The following PECR variants were observed in gnomAD, a reference collection of about 807,000 sequenced individuals.
PECR encodes the protein peroxisomal trans-2-enoyl-CoA reductase.
In PECR, 30 loss-of-function variants were observed where a neutral mutation model predicts 35.3. The ratio of observed to expected loss-of-function variants is 0.85; its 90% CI spans 0.64 to 1.15. The LOEUF (loss-of-function observed/expected upper bound fraction) is 1.15, where lower values mean the gene tolerates loss of function less well. Among genes scored for constraint, PECR ranks in the 50% most tolerant of loss-of-function variants. PECR has a pLI of 0.00. For synonymous variants in PECR, 148 were observed against 138.9 expected (o/e 1.07, Z -0.46); for missense variants, 392 against 370.8 (o/e 1.06, Z -0.47).
chr2:216,049,269 A>G lies in PECR; in HGVS notation c.708T>C (p.Pro236=), dbSNP rs777775485. The G allele has an allele frequency of 2.0e-6, 3 of 1,498,850 alleles. No individual in the cohort carries two copies. Among genetic ancestry groups the G allele is most frequent in the East Asian group, 4.5e-5 (2 of 44,368 alleles). 92.8% of individuals were successfully genotyped at this position (1,498,850 alleles called of 1,614,324 possible). The part of the protein sequence containing the change: ...QKIPAKRIGV[P]EEVSSVVCFL... Reference sequence around the variant, plus strand: ...TGCTGGAAATATACCTTACCTCCTCAGGAACACCAATTCGTTTAGCGGGGA... The same window carrying G: ...TGCTGGAAATATACCTTACCTCCTCGGGAACACCAATTCGTTTAGCGGGGA... The change falls in exon 6 of 8, where the codon CCT becomes CCC. Residue 236 remains proline (P), a synonymous_variant. Coordinates refer to ENST00000265322, the MANE Select transcript of PECR (RefSeq NM_018441.6).
At chr2:216,058,861 A>T in intron 4 of PECR, 34 bp downstream of exon 4, 1 of 1,240,452 alleles carries the variant, frequency 8.1e-7, no homozygotes, top group Non-Finnish European at 1.2e-6. Flanking sequence ...CAAAACTCAA[A>T]GACTTAGAAA....
chr2:216,055,628 T>G (rs1695210890), intron 4 of PECR, among the ~76,000 whole-genome samples: 2 of 152,026 alleles, frequency 1.3e-5, no homozygotes, highest in African/African-American at 4.8e-5. Context: ...GTTTTCCTTC[T>G]CAACCATTAA....
chr2:216,066,458 A>T lies in PECR; in HGVS notation c.185T>A (p.Leu62Gln), dbSNP rs756567309. ...CTTTGTGGGAGGTAGGTTGGCCTGC[A>T]GTTCATCTGCCGCAGACTTCAATCT... ...LERLKSAADE[L>Q]QANLPPTKQA... The change falls in exon 2 of 8, where the codon CTG (leucine) becomes CAG (glutamine). Residue 62 changes from leucine to glutamine, a missense_variant. Coordinates refer to ENST00000265322, the MANE Select transcript of PECR (RefSeq NM_018441.6). 6.2e-7 allele frequency: 1 copy of T among 1,613,654 alleles called. No individual in the cohort carries two copies. The highest frequency in any genetic ancestry group is 1.1e-5 in the South Asian group (1 of 91,082).
intron 2 of PECR, 87 bp downstream of exon 2, chr2:216,066,298 T>C (rs541587513): frequency 4.2e-5 from 46 of 1,100,638 alleles, no homozygotes; most frequent in Non-Finnish European, 5.9e-5. Context: ...ACAGCTACAA[T>C]AGGAGAACCT....
chr2:216,056,452 G>A (rs1252814454), intron 4 of PECR, among the ~76,000 whole-genome samples: 1 of 152,082 alleles, frequency 6.6e-6, no homozygotes, highest in Non-Finnish European at 1.5e-5. Context: ...CGGGTGTGGT[G>A]GCTCATGCCT....
At chr2:216,051,766 T>C (rs940247458) in intron 4 of PECR, among the ~76,000 whole-genome samples, 2 of 152,162 alleles carry the variant, frequency 1.3e-5, no homozygotes, top group African/African-American at 2.4e-5. Context: ...TCACATGGCA[T>C]AGACCCAGAT....
At chr2:216,054,182 G>A (rs1695178548) in intron 4 of PECR, among the ~76,000 whole-genome samples, 1 of 151,594 alleles carries the variant, frequency 6.6e-6, no homozygotes, top group South Asian at 2.1e-4. Flanking sequence ...AGCTACTCAG[G>A]AGGCTGAGAC....
At chr2:216,042,515 A>T (rs1438152030) in intron 7 of PECR, among the ~76,000 whole-genome samples, 2 of 152,206 alleles carry the variant, frequency 1.3e-5, no homozygotes, top group Admixed American at 1.3e-4. Context: ...CTTTAACAAC[A>T]GAAATTCAAT....
chr2:216,064,278 C>T (rs1216256934), intron 3 of PECR: 1 of 152,202 alleles, frequency 6.6e-6, no homozygotes. Context: ...CACCTAAGGA[C>T]TCTATTTCCC....
At chr2:216,076,152 T>A (rs1055959550) in intron 1 of PECR, among the ~76,000 whole-genome samples, 2 of 152,218 alleles carry the variant, frequency 1.3e-5, no homozygotes, top group African/African-American at 4.8e-5. Flanking sequence ...CATTGTTATA[T>A]AAACCCAAAT....
At chr2:216,038,027 GTGAGCC>G (rs75525335), downstream of PECR, among the ~76,000 whole-genome samples, 56,891 of 151,444 alleles carry the variant, frequency 0.38, 10,762 homozygotes, top group Admixed American at 0.46. Flanking sequence ...GGAGGTTGTG[GTGAGCC>G]GAGATTATGC....
intron 7 of PECR, among the ~76,000 whole-genome samples, chr2:216,030,384 C>T (rs538832420): frequency 3.9e-5 from 6 of 152,160 alleles, no homozygotes; most frequent in African/African-American, 1.2e-4. Flanking sequence ...GTTTCTTGAC[C>T]TGTTCATGCC....
chr2:216,065,462 T>C lies in PECR; in HGVS notation c.274A>G (p.Lys92Glu). The C allele has an allele frequency of 6.2e-7, 1 of 1,601,482 alleles. No individual in the cohort carries two copies. The highest frequency in any genetic ancestry group is 1.1e-5 in the South Asian group (1 of 90,826). Residue 92 changes from lysine to glutamate, a missense_variant, in exon 3 of 8, where the codon AAA (lysine) becomes GAA (glutamate). By Grantham distance (56) the Lys-to-Glu change is moderately conservative. Coordinates refer to ENST00000265322, the MANE Select transcript of PECR (RefSeq NM_018441.6). Reference sequence around the variant, plus strand: ...TTACCAAAAGTATCTAAGGTAGATTTGACCAAATTATTCACCTAAAGAAGA... The same window carrying C: ...TTACCAAAAGTATCTAAGGTAGATTCGACCAAATTATTCACCTAAAGAAGA... Reference protein sequence around the residue: ...RNEEEVNNLVKSTLDTFGKIN... With the variant: ...RNEEEVNNLVESTLDTFGKIN...
intron 4 of PECR, among the ~76,000 whole-genome samples, chr2:216,058,134 C>T (rs1405022034): frequency 1.3e-5 from 2 of 152,142 alleles, no homozygotes; most frequent in African/African-American, 2.4e-5. Flanking sequence ...CCAGGGCTTG[C>T]ACGACGGCTG....
intron 3 of PECR, among the ~76,000 whole-genome samples, chr2:216,062,406 C>T (rs1695374455): frequency 6.6e-6 from 1 of 152,118 alleles, no homozygotes; most frequent in African/African-American, 2.4e-5. Flanking sequence ...CTTCAACTTT[C>T]CCACAGATCC....
chr2:216,038,128 T>TAA (rs140690441), downstream of PECR, among the ~76,000 whole-genome samples: 1 of 151,524 alleles, frequency 6.6e-6, no homozygotes, highest in African/African-American at 2.4e-5. Context: ...GTGTTAATGA[T>TAA]AAAAAAAAGA....
chr2:216,043,031 ATG>A (rs1694920978), intron 7 of PECR, among the ~76,000 whole-genome samples: 1 of 127,768 alleles, frequency 7.8e-6, no homozygotes, highest in Non-Finnish European at 1.7e-5. Flanking sequence ...ATACGTATAT[ATG>A]TATGTGTATA....
chr2:216,059,268 C>T (rs776350557), intron 3 of PECR, among the ~76,000 whole-genome samples: 1 of 152,210 alleles, frequency 6.6e-6, no homozygotes, highest in Non-Finnish European at 1.5e-5. Flanking sequence ...CTTAACCCAT[C>T]CCCAGGTAAA....
intron 7 of PECR, among the ~76,000 whole-genome samples, chr2:216,031,670 AG>A (rs1222809105): frequency 2.5e-4 from 20 of 80,370 alleles, no homozygotes; most frequent in African/African-American, 9.8e-4. Context: ...AAAGAAAGAA[AG>A]AAAGAAAGAA....
Sources: allele counts gnomAD v4.1 joint callset (sites outside exome capture counted in the v4.1 genomes callset), GRCh38; gene constraint gnomAD v4.1.1; transcripts MANE v1.5; gene names NCBI Gene and HGNC (gene_info 2026-07-23, HGNC 2026-07-21).